DGKH: variants seen among roughly 807,000 people sequenced by gnomAD.
DGKH encodes DAG kinase eta.
Under a neutral mutation model 159.3 loss-of-function variants are expected in DGKH, and 90 were observed. That is an observed-to-expected ratio of 0.57 (90% CI 0.48 to 0.67). DGKH has a LOEUF of 0.67. Among genes scored for constraint, DGKH ranks in the 30% least tolerant of loss-of-function variants. The probability of loss-of-function intolerance (pLI) is 0.00; values close to 1 mark genes in which losing one functional copy is unlikely to be tolerated. For missense variants in DGKH, 1,181 were observed against 1,506.1 expected (o/e 0.78, Z 3.57); for synonymous variants, 536 against 553.8 (o/e 0.97, Z 0.45).
rs567139545 is a variant in DGKH at position 42,159,589 on chromosome 13, G to A, written c.729+217G>A. On this transcript the variant is annotated intron_variant, in intron 6 of 29. Transcript: ENST00000337343. Reference sequence around the variant, plus strand: ...TTGTGAATAGGGCTTAGAAGTGGCCGTTGTGCTGGGCTGTTGTTGTCGACC... The same window carrying A: ...TTGTGAATAGGGCTTAGAAGTGGCCATTGTGCTGGGCTGTTGTTGTCGACC... Among the ~76,000 whole-genome samples, 27 of 152,198 alleles carry A rather than the reference G, an allele frequency of 1.8e-4. 1 individual carries two copies. Among genetic ancestry groups the A allele is most frequent in the South Asian group, 6.2e-4 (3 of 4,818 alleles).
chr13:42,105,639 A>G (rs1320802472), intron 1 of DGKH, among the ~76,000 whole-genome samples: 1 of 152,152 alleles, frequency 6.6e-6, no homozygotes, highest in African/African-American at 2.4e-5. Context: ...GTTGTCCTAA[A>G]CTTTGATGTT....
At chr13:42,223,045 T>C (rs1302808147) in intron 29 of DGKH, among the ~76,000 whole-genome samples, 2 of 152,230 alleles carry the variant, frequency 1.3e-5, no homozygotes, top group Non-Finnish European at 2.9e-5. Context: ...TTCTCTCTCT[T>C]AAAACTTTTA....
At chr13:42,209,288 T>C (rs1350763395) in intron 22 of DGKH, 43 bp from the exon 23 acceptor site, 1 of 1,584,486 alleles carries the variant, frequency 6.3e-7, no homozygotes, top group Admixed American at 1.8e-5. Flanking sequence ...AGTGTCATTT[T>C]CTCTGGATGA....
chr13:42,191,578 A>G (rs1168449945), intron 16 of DGKH, among the ~76,000 whole-genome samples: 1 of 152,220 alleles, frequency 6.6e-6, no homozygotes, highest in Non-Finnish European at 1.5e-5. Context: ...ATATCAGATT[A>G]ACATTTTCTG....
chr13:42,160,653 C>CA (rs1956157568), intron 7 of DGKH, among the ~76,000 whole-genome samples: 1 of 152,150 alleles, frequency 6.6e-6, no homozygotes, highest in African/African-American at 2.4e-5. Flanking sequence ...ATCATGTAGA[C>CA]AGTGGCATGG....
At chr13:42,045,946 T>C (rs1269473214), upstream of DGKH, among the ~76,000 whole-genome samples, 1 of 152,262 alleles carries the variant, frequency 6.6e-6, no homozygotes, top group African/African-American at 2.4e-5. Flanking sequence ...AATTTGGCTG[T>C]GACTTACACA....
intron 3 of DGKH, among the ~76,000 whole-genome samples, chr13:42,135,492 A>G (rs1418723369): frequency 3.6e-5 from 4 of 109,864 alleles, no homozygotes; most frequent in African/African-American, 1.1e-4. Context: ...CCTGTCTCAG[A>G]AAAAAAAAAA....
At chr13:42,102,125 G>A (rs377041373) in intron 1 of DGKH, among the ~76,000 whole-genome samples, 27 of 152,350 alleles carry the variant, frequency 1.8e-4, no homozygotes, top group African/African-American at 6.0e-4. Flanking sequence ...GGATGATTCC[G>A]TCTCACCTCA....
At chr13:42,171,828 CTTTTTT>C (rs541194131) in intron 11 of DGKH, among the ~76,000 whole-genome samples, 1 of 102,454 alleles carries the variant, frequency 9.8e-6, no homozygotes. Flanking sequence ...ATATAAATTT[CTTTTTT>C]TTTTTTTTTT....
At chr13:42,161,947 G>A (rs536700011) in intron 7 of DGKH, among the ~76,000 whole-genome samples, 1 of 151,942 alleles carries the variant, frequency 6.6e-6, no homozygotes, top group Non-Finnish European at 1.5e-5. Flanking sequence ...GAGTTAATTA[G>A]GTTTATTACT....
intron 3 of DGKH, among the ~76,000 whole-genome samples, chr13:42,134,289 C>G (rs971923932): frequency 6.6e-6 from 1 of 152,112 alleles, no homozygotes; most frequent in Non-Finnish European, 1.5e-5. Flanking sequence ...TCAAGGGGGG[C>G]CACAGACATT....
At chr13:42,219,121 A>C (rs918279863) in intron 26 of DGKH, 109 bp from the exon 27 acceptor site, 1 of 1,346,072 alleles carries the variant, frequency 7.4e-7, no homozygotes, top group East Asian at 2.4e-5. Context: ...AAAAAATACT[A>C]CCTTAATAAG....
Position 42,236,300 on chromosome 13 carries a change from T to C in DGKH, c.*7112T>C, listed in dbSNP as rs1049445742. 2.6e-5 allele frequency: 4 copies of C among 152,220 alleles called. No individual in the cohort carries two copies. The highest frequency in any genetic ancestry group is 9.6e-5 in the African/African-American group (4 of 41,454). The allele number at this position is 152,220 out of a possible 1,614,324, so 9.4% of individuals were successfully genotyped here. A position where few individuals can be genotyped will look rare whatever the true frequency, so the allele number is the denominator to read the frequency against. ...TTCTGTTGATGATTTACTTATGTAC[T>C]TGAAGTACTCATTTCTGTCAAACAG... On this transcript the variant is annotated 3_prime_UTR_variant, in exon 30 of 30. Coordinates refer to ENST00000337343, the MANE Select transcript of DGKH (RefSeq NM_178009.5).
At chr13:42,169,574 C>G (rs1393842562) in intron 11 of DGKH, among the ~76,000 whole-genome samples, 2 of 152,138 alleles carry the variant, frequency 1.3e-5, no homozygotes, top group African/African-American at 4.8e-5. Flanking sequence ...ATATCATGAT[C>G]AACTTGAGGT....
chr13:42,107,688 G>A (rs907846307), intron 1 of DGKH, among the ~76,000 whole-genome samples: 4 of 152,048 alleles, frequency 2.6e-5, no homozygotes, highest in Non-Finnish European at 5.9e-5. Context: ...AGGCCTGCCC[G>A]GGTAAGGCAG....
chr13:42,042,354 G>A (rs778986431), intron 1 of DGKH, among the ~76,000 whole-genome samples: 11 of 152,096 alleles, frequency 7.2e-5, no homozygotes, highest in African/African-American at 2.4e-4. Flanking sequence ...TGCTGATGTC[G>A]GAACTACTTA....
At chr13:42,137,809 T>C (rs1241679638) in intron 3 of DGKH, among the ~76,000 whole-genome samples, 1 of 152,232 alleles carries the variant, frequency 6.6e-6, no homozygotes, top group Non-Finnish European at 1.5e-5. Flanking sequence ...CTGGGATTGA[T>C]TGGCATTTCA....
chr13:42,168,651 A>G, intron 10 of DGKH, 28 bp from the exon 11 acceptor site: 4 of 1,614,044 alleles, frequency 2.5e-6, no homozygotes, highest in Non-Finnish European at 3.4e-6. Context: ...AACTTGTCTG[A>G]AAGTCACCCT....
intron 16 of DGKH, among the ~76,000 whole-genome samples, chr13:42,191,545 A>C (rs926948208): frequency 6.6e-6 from 1 of 152,150 alleles, no homozygotes; most frequent in African/African-American, 2.4e-5. Flanking sequence ...ATGAAAAAAA[A>C]CCAAATTTTT....
Sources: gnomAD v4.1 joint callset for allele counts (sites outside exome capture counted in the v4.1 genomes callset) on GRCh38, gnomAD v4.1.1 for gene constraint, MANE v1.5 for transcripts, NCBI Gene and HGNC (gene_info 2026-07-23, HGNC 2026-07-21) for gene names.